OR51G2: variants seen among roughly 807,000 people sequenced by gnomAD.
OR51G2 encodes olfactory receptor family 51 subfamily G member 2, also known as olfactory receptor 51G2.
In OR51G2, 13 loss-of-function variants were observed where a neutral mutation model predicts 11.8. That is an observed-to-expected ratio of 1.10 (90% CI 0.72 to 1.76). The LOEUF is 1.76. Ranked by LOEUF, OR51G2 falls within the 40% of genes most tolerant of loss-of-function variation. The pLI is 0.00. For synonymous variants in OR51G2, 178 were observed against 151.9 expected, an observed-to-expected ratio of 1.17 and a Z score of -1.26; for missense variants, 474 against 394.4, an observed-to-expected ratio of 1.20 and a Z score of -1.71.
At position 4,915,685 on chromosome 11, in the gene OR51G2, A is replaced by G. The variant is rs1358742643; in HGVS notation, c.-22T>C. ...TCATTGTGTGAGGAGACAAGGGGGA[A>G]GGTGGGTGCCCTCCAAAATCCTGAA... On this transcript the variant is annotated 5_prime_UTR_variant, in exon 2 of 2. Coordinates refer to ENST00000641926, the MANE Select transcript of OR51G2 (RefSeq NM_001005238.2). The G allele has an allele frequency of 2.5e-6, 4 of 1,570,598 alleles. No homozygotes were observed. The highest frequency in any genetic ancestry group is 1.1e-5 in the South Asian group (1 of 87,284).
intron 1 of OR51G2, among the ~76,000 whole-genome samples, chr11:4,917,423 A>T (rs1483742298): frequency 2.6e-5 from 4 of 152,228 alleles, no homozygotes; most frequent in African/African-American, 9.6e-5. Context: ...TTCAGTGTCA[A>T]GTGGCAGAGC....
At position 4,913,879 on chromosome 11, in the gene OR51G2, T is replaced by C. The variant is rs1851030686; in HGVS notation, c.*840A>G. On this transcript the variant is annotated 3_prime_UTR_variant, in exon 2 of 2. Transcript: ENST00000641926. ...AATGCCTACATTTCCCTTAAGGCTA[T>C]TACTGTGTCAACTCAGGGAAAACTT... The C allele has an allele frequency of 6.6e-6, 1 of 152,206 alleles. No homozygotes were observed. The highest frequency in any genetic ancestry group is 1.5e-5 in the Non-Finnish European group (1 of 68,044). The allele number at this position is 152,206 out of a possible 1,614,324, so 9.4% of individuals were successfully genotyped here. A position where few individuals can be genotyped will look rare whatever the true frequency, so the allele number is the denominator to read the frequency against.
intron 1 of OR51G2, among the ~76,000 whole-genome samples, chr11:4,917,717 C>T (rs1851119420): frequency 6.6e-6 from 1 of 152,106 alleles, no homozygotes; most frequent in Non-Finnish European, 1.5e-5. Flanking sequence ...AGACAAGCTA[C>T]ATATTGGGTT....
Position 4,914,811 on chromosome 11 carries a change from A to G in OR51G2, c.853T>C (p.Tyr285His). ...TTCATCACAGGAGGAAAGAGAAGAT[A>G]CATGAAACCCATGACCACCTGGACC... is the stretch of plus-strand genomic sequence containing the variant. ...HLVQVVMGFM[Y>H]LLFPPVMNPI... Residue 285 changes from tyrosine to histidine, a missense_variant, in exon 2 of 2, where the codon TAT becomes CAT. Coordinates refer to ENST00000641926, the MANE Select transcript of OR51G2 (RefSeq NM_001005238.2). 1 of 1,614,046 alleles carries G rather than the reference A, an allele frequency of 6.2e-7. No individual in the cohort carries two copies. The highest frequency in any genetic ancestry group is 1.3e-5 in the African/African-American group (1 of 75,038).
At position 4,914,722 on chromosome 11, in the gene OR51G2, G is replaced by A. The variant is rs191501101; in HGVS notation, c.942C>T (p.Tyr314=). The part of the protein sequence containing the change: ...IRDRVTHAFC[Y] ...GTGGCTCTAACACTAGACACAGTTAGTAACAAAAGGCATGCGTCACTCGAT... is the reference window on the plus strand; with the variant it reads ...GTGGCTCTAACACTAGACACAGTTAATAACAAAAGGCATGCGTCACTCGAT... Residue 314 remains tyrosine, a synonymous_variant, in exon 2 of 2, where the codon TAC becomes TAT. Transcript: ENST00000641926. The A allele has an allele frequency of 3.1e-5, 49 of 1,606,400 alleles. No individual in the cohort carries two copies. The highest frequency in any genetic ancestry group is 1.1e-4 in the African/African-American group (8 of 74,852).
chr11:4,916,532 T>C (rs1283835501), intron 1 of OR51G2, among the ~76,000 whole-genome samples: 1 of 152,208 alleles, frequency 6.6e-6, no homozygotes, highest in Non-Finnish European at 1.5e-5. Context: ...TTTTTCTTTC[T>C]TTCTCTTTTT....
At position 4,915,587 on chromosome 11, in the gene OR51G2, T is replaced by C; in HGVS notation, c.77A>G (p.Glu26Gly). 1 of 1,614,036 alleles carries C rather than the reference T, an allele frequency of 6.2e-7. No homozygotes were observed. The highest frequency in any genetic ancestry group is 8.5e-7 in the Non-Finnish European group (1 of 1,179,998). ...TFLLSGIPGL[E>G]RMHIWISIPL... ...GATGGAGATCCAGATGTGCATGCGC[T>C]CCAGCCCAGGGATGCCACTCAGCAG... Residue 26 changes from glutamate to glycine, a missense_variant, in exon 2 of 2, where the codon GAG becomes GGG. Glu to Gly is a moderately conservative substitution (Grantham distance 98). Transcript: ENST00000641926.
rs765342542 is a variant in OR51G2 at position 4,915,023 on chromosome 11, A to G, written c.641T>C (p.Ile214Thr). 1.9e-6 allele frequency: 3 copies of G among 1,614,024 alleles called. No homozygotes were observed. Among genetic ancestry groups the G allele is most frequent in the Non-Finnish European group, 2.5e-6 (3 of 1,180,024 alleles). ...AGAGAAGAGGATGAGCAGTGAGTCT[A>G]TACCCACTGTAGAGACGATGACAAA... ...GMFVIVSTVG[I>T]DSLLILFSYA... Residue 214 changes from isoleucine to threonine, a missense_variant, in exon 2 of 2, where the codon ATA becomes ACA. By Grantham distance (89) the Ile-to-Thr change is moderately conservative (BLOSUM62 -1). Transcript: ENST00000641926.
At chr11:4,918,390 T>A (rs1851130620) in intron 1 of OR51G2, among the ~76,000 whole-genome samples, 1 of 152,106 alleles carries the variant, frequency 6.6e-6, no homozygotes, top group African/African-American at 2.4e-5. Context: ...CAGACTTTCT[T>A]TGGGATTGGA....
rs1851034996 is a variant in OR51G2 at position 4,914,083 on chromosome 11, C to T, written c.*636G>A. The T allele has an allele frequency of 6.6e-6, 1 of 152,242 alleles. No individual in the cohort carries two copies. Among genetic ancestry groups the T allele is most frequent in the East Asian group, 1.9e-4 (1 of 5,186 alleles). The allele number at this position is 152,242 out of a possible 1,614,324, so 9.4% of individuals were successfully genotyped here. ...GGCTGAGTCAGAGAACAATTGATTG[C>T]TTTACCAGATGCCAATTGGAGAGGC... On this transcript the variant is annotated 3_prime_UTR_variant, in exon 2 of 2. Coordinates refer to ENST00000641926, the MANE Select transcript of OR51G2 (RefSeq NM_001005238.2).
At position 4,915,369 on chromosome 11, in the gene OR51G2, G is replaced by A. The variant is rs1198445659; in HGVS notation, c.295C>T (p.His99Tyr). The A allele has an allele frequency of 6.2e-7, 1 of 1,614,058 alleles. No individual in the cohort carries two copies. Among genetic ancestry groups the A allele is most frequent in the Non-Finnish European group, 8.5e-7 (1 of 1,180,004 alleles). ...IFWVGAREIS[H>Y]DACFAQLFFI... ...AAGAGCTGAGCAAAGCAGGCATCATGGCTAATTTCTCGTGCTCCAACCCAA... is the reference window on the plus strand; with the variant it reads ...AAGAGCTGAGCAAAGCAGGCATCATAGCTAATTTCTCGTGCTCCAACCCAA... Residue 99 changes from histidine to tyrosine, a missense_variant, in exon 2 of 2, where the codon CAT (histidine) becomes TAT (tyrosine). His to Tyr is a moderately conservative substitution (Grantham distance 83). Transcript: ENST00000641926.
At position 4,912,803 on chromosome 11, in the gene OR51G2, A is replaced by G. The variant is rs1851011087; in HGVS notation, c.*1916T>C. The G allele has an allele frequency of 6.6e-6, 1 of 152,156 alleles. No individual in the cohort carries two copies. The highest frequency in any genetic ancestry group is 2.1e-4 in the South Asian group (1 of 4,828). 9.4% of individuals were successfully genotyped at this position (152,156 alleles called of 1,614,324 possible). A position where few individuals can be genotyped will look rare whatever the true frequency, so the allele number is the denominator to read the frequency against. On this transcript the variant is annotated 3_prime_UTR_variant, in exon 2 of 2. Transcript: ENST00000641926. ...ATTGTTTTTTAAAATGTAAAAAACT[A>G]TAGAATGCTAGAGAAGACCTTTTCC...
rs571196312 is a variant in OR51G2, at chr11:4,914,813, A to G, written c.851T>C (p.Met284Thr). The part of the protein sequence containing the change: ...PHLVQVVMGF[M>T]YLLFPPVMNP... ...CATCACAGGAGGAAAGAGAAGATAC[A>G]TGAAACCCATGACCACCTGGACCAG... The change falls in exon 2 of 2, where the codon ATG becomes ACG. Residue 284 changes from methionine (M) to threonine (T), a missense_variant. Transcript: ENST00000641926. 2.5e-6 allele frequency: 4 copies of G among 1,614,030 alleles called. No homozygotes were observed. Among genetic ancestry groups the G allele is most frequent in the East Asian group, 4.5e-5 (2 of 44,832 alleles).
rs549541455 is a variant in OR51G2, at chr11:4,915,426, G to A, written c.238C>T (p.Leu80Phe). ...MLALIDLGLS[L>F]CTLPTVLGIF... ...CCCAGGACTGTAGGGAGAGTGCAAA[G>A]GGAGAGACCCAGGTCAATCAGAGCC... Residue 80 changes from leucine to phenylalanine, a missense_variant, in exon 2 of 2, where the codon CTT (leucine) becomes TTT (phenylalanine). Coordinates refer to ENST00000641926, the MANE Select transcript of OR51G2 (RefSeq NM_001005238.2). 4 of 1,614,066 alleles carry A rather than the reference G, an allele frequency of 2.5e-6. No individual in the cohort carries two copies. The South Asian group carries it at 3.3e-5, about 13-fold the overall frequency.
At chr11:4,919,011 C>G (rs867340048) in intron 1 of OR51G2, among the ~76,000 whole-genome samples, 166 bp downstream of exon 1, 31 of 152,204 alleles carry the variant, frequency 2.0e-4, no homozygotes, top group African/African-American at 6.8e-4. Flanking sequence ...GCTTAATTCT[C>G]TGGGTCTCAT....
intron 1 of OR51G2, among the ~76,000 whole-genome samples, chr11:4,917,451 A>G (rs1007471933): frequency 6.6e-6 from 1 of 152,230 alleles, no homozygotes; most frequent in Non-Finnish European, 1.5e-5. Context: ...ACAGGCCTTT[A>G]AAAGCATTGC....
Position 4,915,487 on chromosome 11 carries a change from T to G in OR51G2, c.177A>C (p.Ser59=). 6.2e-7 allele frequency: 1 copy of G among 1,614,112 alleles called. No homozygotes were observed. Among genetic ancestry groups the G allele is most frequent in the Non-Finnish European group, 8.5e-7 (1 of 1,180,010 alleles). ...TILFIIKTER[S]LHEPMYLFLS... ...GGAAGAGATACATAGGTTCATGAAG[T>G]GAGCGCTCTGTTTTAATGATAAAAA... The change falls in exon 2 of 2, where the codon TCA becomes TCC. Residue 59 remains serine (S), a synonymous_variant. Transcript: ENST00000641926.
Position 4,915,623 on chromosome 11 carries a change from G to T in OR51G2, c.41C>A (p.Ser14Tyr). ...GSLGNSSSSV[S>Y]ATFLLSGIPG... ...GATGCCACTCAGCAGGAAGGTAGCAGAAACGCTGCTGCTGCTGTTTCCCAG... is the reference window on the plus strand; with the variant it reads ...GATGCCACTCAGCAGGAAGGTAGCATAAACGCTGCTGCTGCTGTTTCCCAG... The change falls in exon 2 of 2, where the codon TCT (serine) becomes TAT (tyrosine). Residue 14 changes from serine (S) to tyrosine (Y), a missense_variant. Ser to Tyr is a moderately radical substitution (Grantham distance 144). Transcript: ENST00000641926. The T allele has an allele frequency of 6.2e-7, 1 of 1,613,822 alleles. No individual in the cohort carries two copies. The highest frequency in any genetic ancestry group is 8.5e-7 in the Non-Finnish European group (1 of 1,179,826).
Position 4,915,429 on chromosome 11 carries a change from A to C in OR51G2, c.235T>G (p.Ser79Ala). 1 of 1,614,062 alleles carries C rather than the reference A, an allele frequency of 6.2e-7. No homozygotes were observed. The highest frequency in any genetic ancestry group is 8.5e-7 in the Non-Finnish European group (1 of 1,180,004). ...AGGACTGTAGGGAGAGTGCAAAGGGAGAGACCCAGGTCAATCAGAGCCAGC... is the reference window on the plus strand; with the variant it reads ...AGGACTGTAGGGAGAGTGCAAAGGGCGAGACCCAGGTCAATCAGAGCCAGC... ...SMLALIDLGLSLCTLPTVLGI... is the reference protein window; with the variant it reads ...SMLALIDLGLALCTLPTVLGI... The change falls in exon 2 of 2, where the codon TCC becomes GCC. Residue 79 changes from serine to alanine, a missense_variant. Ser to Ala is a moderately conservative substitution (Grantham distance 99). Coordinates refer to ENST00000641926, the MANE Select transcript of OR51G2 (RefSeq NM_001005238.2).
Sources: allele counts gnomAD v4.1 joint callset (sites outside exome capture counted in the v4.1 genomes callset), GRCh38; gene constraint gnomAD v4.1.1; transcripts MANE v1.5; gene names NCBI Gene and HGNC (gene_info 2026-07-23, HGNC 2026-07-21).